PCDHGB1: variants seen among roughly 807,000 people sequenced by gnomAD.
PCDHGB1 encodes protocadherin gamma-B1.
PCDHGB1 carries 34 observed loss-of-function variants against 56.6 expected under a neutral mutation model. That is an observed-to-expected ratio of 0.60 (90% CI 0.46 to 0.80). The LOEUF is 0.80. Among genes scored for constraint, PCDHGB1 ranks in the 30% least tolerant of loss-of-function variants. The pLI, the probability that PCDHGB1 is intolerant of heterozygous loss-of-function variation, is 0.00. For synonymous variants in PCDHGB1, 561 were observed against 505.9 expected (o/e 1.11, Z -1.46); for missense variants, 1,278 against 1,204.6 (o/e 1.06, Z -0.90).
intron 1 of PCDHGB1, among the ~76,000 whole-genome samples, chr5:141,369,259 A>G (rs1009841286): frequency 6.6e-6 from 1 of 152,214 alleles, no homozygotes; most frequent in African/African-American, 2.4e-5. Flanking sequence ...TAATATAATT[A>G]TAAGGACTTA....
chr5:141,399,038 A>G (rs1228007346), intron 1 of PCDHGB1: 2 of 1,613,854 alleles, frequency 1.2e-6, no homozygotes, highest in South Asian at 2.2e-5. Context: ...AAGAAACTGG[A>G]TTTTGAAGAG....
intron 1 of PCDHGB1, chr5:141,400,775 C>T (rs2094072666): frequency 5.4e-6 from 3 of 559,824 alleles, no homozygotes; most frequent in South Asian, 5.1e-5. Context: ...ACATTTGGTG[C>T]GTTTTTTTGT....
chr5:141,418,998 G>A (rs757681244), intron 1 of PCDHGB1: 4 of 1,613,940 alleles, frequency 2.5e-6, no homozygotes, highest in South Asian at 2.2e-5. Context: ...GGGGAAAATG[G>A]GGAAGTCAGG....
intron 1 of PCDHGB1, chr5:141,393,572 G>C (rs1399932416): frequency 6.2e-7 from 1 of 1,613,908 alleles, no homozygotes; most frequent in South Asian, 1.1e-5. Context: ...AAGTCCTTGA[G>C]AACATGCCCC....
intron 1 of PCDHGB1, chr5:141,417,974 G>A: frequency 6.2e-7 from 1 of 1,613,856 alleles, no homozygotes. Flanking sequence ...CTCGATTCCG[G>A]AGGAGCTGGC....
At chr5:141,385,260 A>G (rs1337413063) in intron 1 of PCDHGB1, 1 of 1,613,648 alleles carries the variant, frequency 6.2e-7, no homozygotes, top group African/African-American at 1.3e-5. Flanking sequence ...GCTGTGAGAA[A>G]AATGATTCTT....
At chr5:141,420,468 T>G in intron 1 of PCDHGB1, 1 of 799,886 alleles carries the variant, frequency 1.3e-6, no homozygotes, top group East Asian at 3.3e-5. Context: ...CAAAGACATT[T>G]TAAAGCAAAC....
At chr5:141,409,867 C>T (rs376725837) in intron 1 of PCDHGB1, 35 of 1,612,662 alleles carry the variant, frequency 2.2e-5, no homozygotes, top group African/African-American at 2.1e-4. Flanking sequence ...TGGGAGACCG[C>T]AATGACAACG....
At chr5:141,395,079 G>C in intron 1 of PCDHGB1, 1 of 1,614,142 alleles carries the variant, frequency 6.2e-7, no homozygotes, top group Non-Finnish European at 8.5e-7. Flanking sequence ...CTATTCCCAG[G>C]AAGTCTCCCT....
intron 1 of PCDHGB1, chr5:141,374,905 CG>C: frequency 6.2e-7 from 1 of 1,613,734 alleles, no homozygotes; most frequent in Non-Finnish European, 8.5e-7. Flanking sequence ...AAGGAGTCCA[CG>C]GGGAAGTAAC....
At chr5:141,502,961 A>G (rs886622146) in intron 2 of PCDHGB1, among the ~76,000 whole-genome samples, 3 of 146,786 alleles carry the variant, frequency 2.0e-5, no homozygotes, top group Non-Finnish European at 4.4e-5. Context: ...CTCCTGCCTC[A>G]GCCTCCCAAG....
chr5:141,362,084 G>T lies in PCDHGB1; in HGVS notation c.2409+9415G>T, dbSNP rs373978037. 6.6e-5 allele frequency: 107 copies of T among 1,613,188 alleles called. No homozygotes were observed. In the African/African-American group the frequency reaches 1.3e-3, roughly 20 times the overall value. The stretch of plus-strand genomic sequence containing the variant: ...CTGCTGGTCGCTGTGCGTGATGGAG[G>T]ACAGCCGCCACTCTCCGCTACGGCC... On this transcript the variant is annotated intron_variant, in intron 1 of 3. Coordinates refer to ENST00000523390, the MANE Select transcript of PCDHGB1 (RefSeq NM_018922.3).
At chr5:141,356,760 C>A (rs1173704471) in intron 1 of PCDHGB1, 1 of 1,613,850 alleles carries the variant, frequency 6.2e-7, no homozygotes, top group South Asian at 1.1e-5. Context: ...TTTGCTCCTT[C>A]GACTATGAGC....
chr5:141,375,013 G>C, intron 1 of PCDHGB1: 2 of 1,614,004 alleles, frequency 1.2e-6, no homozygotes, highest in Non-Finnish European at 1.7e-6. Flanking sequence ...TAGACTATGA[G>C]GACTCGAGTT....
chr5:141,487,667 A>G lies in PCDHGB1; in HGVS notation c.2410-7140A>G, dbSNP rs2099657916. ...GCTTGAGGGTTATTCTGATCCAGGC[A>G]TATGGCTAGGCCATGTCCTAGAGAG... On this transcript the variant is annotated intron_variant, in intron 1 of 3. Transcript: ENST00000523390. This position sits in a 1 kb window ranked among gnomAD's most constrained non-coding sequence, Gnocchi z 5.0. 6.2e-7 allele frequency: 1 copy of G among 1,612,782 alleles called. No individual in the cohort carries two copies. The highest frequency in any genetic ancestry group is 1.1e-5 in the South Asian group (1 of 90,692).
rs369352283 is a variant in PCDHGB1 at position 141,374,184 on chromosome 5, C to T, written c.2409+21515C>T. On this transcript the variant is annotated intron_variant, in intron 1 of 3. Coordinates refer to ENST00000523390, the MANE Select transcript of PCDHGB1 (RefSeq NM_018922.3). ...GCCGCGGCAGCGCAGATCCGCTACTCTATTCCCGAGGAGCTGGAGAAAGGC... is the reference window on the plus strand; with the variant it reads ...GCCGCGGCAGCGCAGATCCGCTACTTTATTCCCGAGGAGCTGGAGAAAGGC... The T allele has an allele frequency of 5.0e-6, 8 of 1,613,676 alleles. No homozygotes were observed. In the East Asian group the frequency reaches 1.1e-4, roughly 22 times the overall value.
At position 141,487,488 on chromosome 5, in the gene PCDHGB1, G is replaced by A; in HGVS notation, c.2410-7319G>A. ...GATGTGGGAGGCCACTCTCATGGCT[G>A]TACACCCTTGGCTTCTGCACCCACT... On this transcript the variant is annotated intron_variant, in intron 1 of 3. Transcript: ENST00000523390. This position sits in a 1 kb window ranked among gnomAD's most constrained non-coding sequence, Gnocchi z 5.0. The A allele has an allele frequency of 6.2e-7, 1 of 1,614,204 alleles. No homozygotes were observed. The highest frequency in any genetic ancestry group is 8.5e-7 in the Non-Finnish European group (1 of 1,180,038).
rs780863525 is a variant in PCDHGB1 at position 141,384,110 on chromosome 5, T to C, written c.2409+31441T>C. The stretch of plus-strand genomic sequence containing the variant: ...AAATCAATAGATAATTATTATAGAT[T>C]GGTCACAACCAAAAACTTGGACCGG... On this transcript the variant is annotated intron_variant, in intron 1 of 3. Transcript: ENST00000523390. The C allele has an allele frequency of 5.0e-6, 8 of 1,604,780 alleles. No homozygotes were observed. The South Asian group carries it at 7.8e-5, about 16-fold the overall frequency.
chr5:141,351,273 A>G lies in PCDHGB1; in HGVS notation c.1013A>G (p.Asp338Gly), dbSNP rs550144206. Residue 338 changes from aspartate to glycine, a missense_variant, in exon 1 of 4, where the codon GAC becomes GGC. Physicochemically the swap from Asp to Gly is moderately conservative, Grantham distance 94. Coordinates refer to ENST00000523390, the MANE Select transcript of PCDHGB1 (RefSeq NM_018922.3). ...CAAATAGAAATTGTTGACGAGAATG[A>G]CAATGCCCCAGAGGTGACATTCATG... Reference protein sequence around the residue: ...NVQIEIVDENDNAPEVTFMSF... With the variant: ...NVQIEIVDENGNAPEVTFMSF... 6.2e-7 allele frequency: 1 copy of G among 1,613,940 alleles called. No homozygotes were observed. Among genetic ancestry groups the G allele is most frequent in the Non-Finnish European group, 8.5e-7 (1 of 1,179,818 alleles).
Sources: allele counts gnomAD v4.1 joint callset (sites outside exome capture counted in the v4.1 genomes callset), GRCh38; gene constraint gnomAD v4.1.1; non-coding constraint Gnocchi (gnomAD v3.1); transcripts MANE v1.5; gene names NCBI Gene and HGNC (gene_info 2026-07-23, HGNC 2026-07-21).